Variants in FNDC3B observed in about 807,000 individuals in gnomAD.
FNDC3B encodes the protein fibronectin type III domain-containing protein 3B.
A neutral mutation model predicts 151.5 loss-of-function variants in FNDC3B; 12 were observed. The observed-to-expected ratio is 0.08, with a 90% CI of 0.05 to 0.13. The LOEUF (loss-of-function observed/expected upper bound fraction) is 0.13, where lower values mean the gene tolerates loss of function less well. FNDC3B is among the 10% of genes least tolerant of loss of function. FNDC3B has a pLI of 1.00. For synonymous variants in FNDC3B, 528 were observed against 549.0 expected (o/e 0.96, Z 0.54); for missense variants, 1,214 against 1,505.3 (o/e 0.81, Z 3.20).
At chr3:172,124,566 T>C (rs1262977962) in intron 2 of FNDC3B, among the ~76,000 whole-genome samples, 1 of 152,242 alleles carries the variant, frequency 6.6e-6, no homozygotes, top group African/African-American at 2.4e-5. Context: ...GAGATTTCCA[T>C]ACCTTAGCAA....
intron 1 of FNDC3B, among the ~76,000 whole-genome samples, chr3:172,057,661 G>A (rs16856838): frequency 0.47 from 71,155 of 150,924 alleles, 18,681 homozygotes; most frequent in East Asian, 0.59. Context: ...AGACTTTAAT[G>A]CTGGAGAAAA....
intron 6 of FNDC3B, among the ~76,000 whole-genome samples, chr3:172,281,475 C>T (rs1394833303): frequency 2.0e-5 from 3 of 152,110 alleles, no homozygotes; most frequent in Non-Finnish European, 2.9e-5. Context: ...TTACCCCAGC[C>T]GTGGTCACCA....
intron 1 of FNDC3B, among the ~76,000 whole-genome samples, chr3:172,079,306 G>A (rs913091979): frequency 6.6e-6 from 1 of 152,174 alleles, no homozygotes; most frequent in African/African-American, 2.4e-5. Flanking sequence ...AGCCTGCGTG[G>A]TCCTCATGCT....
chr3:172,230,512 A>G (rs1007768247), intron 4 of FNDC3B, among the ~76,000 whole-genome samples: 10 of 151,968 alleles, frequency 6.6e-5, no homozygotes, highest in Middle Eastern at 3.2e-3. Context: ...TCAAAAAAAA[A>G]AAAAGAACAA....
chr3:172,335,606 A>G (rs903622046), intron 15 of FNDC3B: 9 of 152,212 alleles, frequency 5.9e-5, no homozygotes, highest in African/African-American at 2.2e-4. Context: ...TGTTTGTTGT[A>G]TAAAGTCTTG....
chr3:172,158,850 C>G (rs1055643159), intron 3 of FNDC3B, among the ~76,000 whole-genome samples: 14 of 152,140 alleles, frequency 9.2e-5, no homozygotes, highest in African/African-American at 3.1e-4. Flanking sequence ...TCTTCTCTTT[C>G]TCCTCCTCCT....
chr3:172,194,597 A>G (rs1724733011), intron 3 of FNDC3B, among the ~76,000 whole-genome samples: 1 of 152,248 alleles, frequency 6.6e-6, no homozygotes, highest in African/African-American at 2.4e-5. Context: ...GAATATAATT[A>G]TGACATAGAT....
intron 3 of FNDC3B, among the ~76,000 whole-genome samples, chr3:172,200,502 C>T (rs1171458888): frequency 2.6e-5 from 4 of 152,142 alleles, no homozygotes; most frequent in African/African-American, 9.7e-5. Flanking sequence ...TTTTCACTTT[C>T]AGTACAGTAT....
chr3:172,352,979 A>G lies in FNDC3B; in HGVS notation c.2691A>G (p.Gly897=), dbSNP rs779173053. The G allele has an allele frequency of 4.3e-6, 7 of 1,614,092 alleles. No individual in the cohort carries two copies. The South Asian group carries it at 5.5e-5, about 13-fold the overall frequency. ...VLNWEEPCNN[G]SEILAYTIDL... ...ACTGGGAAGAGCCGTGCAATAACGG[A>G]TCTGAAATCCTTGCTTACACCATTG... Residue 897 remains glycine (G), a synonymous_variant, in exon 22 of 26, where the codon GGA becomes GGG. Transcript: ENST00000415807. The surrounding 1 kb of genome is among the most constrained non-coding windows in gnomAD (Gnocchi z 4.2).
intron 1 of FNDC3B, among the ~76,000 whole-genome samples, chr3:172,101,012 T>G (rs1699668397): frequency 1.3e-5 from 2 of 152,230 alleles, no homozygotes; most frequent in African/African-American, 4.8e-5. Context: ...TGATGTTTAA[T>G]GGTACAGATT....
intron 5 of FNDC3B, 152 bp from the exon 6 acceptor site, chr3:172,251,108 T>C (rs1216019329): frequency 1.1e-5 from 8 of 700,690 alleles, no homozygotes; most frequent in Non-Finnish European, 1.6e-5. Context: ...CAGCAGTATT[T>C]TCTTAAAAAA....
intron 3 of FNDC3B, among the ~76,000 whole-genome samples, chr3:172,218,678 C>G (rs1033999377): frequency 6.6e-6 from 1 of 152,170 alleles, no homozygotes; most frequent in East Asian, 1.9e-4. Context: ...GCTGTCATCC[C>G]TTTTGGTAGG....
chr3:172,363,106 A>G (rs1734444704), intron 23 of FNDC3B, among the ~76,000 whole-genome samples: 1 of 136,604 alleles, frequency 7.3e-6, no homozygotes, highest in Admixed American at 7.1e-5. Flanking sequence ...CAGATAATGG[A>G]GAGAAAGTAT....
At chr3:172,304,319 A>G (rs1731083113) in intron 9 of FNDC3B, among the ~76,000 whole-genome samples, 1 of 152,102 alleles carries the variant, frequency 6.6e-6, no homozygotes, top group Admixed American at 6.5e-5. Flanking sequence ...ATCCAGATGG[A>G]TTTTTGGCGG....
chr3:172,288,650 T>C (rs1730146708), intron 7 of FNDC3B, among the ~76,000 whole-genome samples: 1 of 152,182 alleles, frequency 6.6e-6, no homozygotes, highest in Non-Finnish European at 1.5e-5. Flanking sequence ...CTCAAGTAGT[T>C]ACACACTCCA....
At chr3:172,247,224 T>G (rs888384468) in intron 4 of FNDC3B, among the ~76,000 whole-genome samples, 1 of 152,230 alleles carries the variant, frequency 6.6e-6, no homozygotes, top group African/African-American at 2.4e-5. Context: ...TTCACTCGTC[T>G]TGGATGAAGC....
In FNDC3B at chr3:172,052,210, C is replaced by T. The variant is rs139853371; in HGVS notation, c.-29+12439C>T. On this transcript the variant is annotated intron_variant, in intron 1 of 25. Coordinates refer to ENST00000415807, the MANE Select transcript of FNDC3B (RefSeq NM_022763.4). Reference sequence around the variant, plus strand: ...AGTGATCCTTCCACCCTCAGCCTCCCACGTGAATGCCACTATGCCCAGATA... The same window carrying T: ...AGTGATCCTTCCACCCTCAGCCTCCTACGTGAATGCCACTATGCCCAGATA... Among the ~76,000 whole-genome samples the T allele has an allele frequency of 1.6e-3, 244 of 150,666 alleles. 1 individual carries two copies. Among genetic ancestry groups the T allele is most frequent in the African/African-American group, 5.7e-3 (234 of 41,106 alleles).
intron 16 of FNDC3B, among the ~76,000 whole-genome samples, chr3:172,339,363 C>G (rs1044397091): frequency 6.6e-6 from 1 of 152,016 alleles, no homozygotes; most frequent in Admixed American, 6.6e-5. Flanking sequence ...GAGTTCGAGA[C>G]CAGCCTGGCC....
chr3:172,061,887 T>A (rs920707615), intron 1 of FNDC3B, among the ~76,000 whole-genome samples: 1 of 152,178 alleles, frequency 6.6e-6, no homozygotes, highest in East Asian at 1.9e-4. Flanking sequence ...AGATCTCTGA[T>A]CTTTTTTTCC....
Sources: allele counts gnomAD v4.1 joint callset (sites outside exome capture counted in the v4.1 genomes callset), GRCh38; gene constraint gnomAD v4.1.1; non-coding constraint Gnocchi (gnomAD v3.1); transcripts MANE v1.5; gene names NCBI Gene and HGNC (gene_info 2026-07-23, HGNC 2026-07-21).